PKD1L3: variants seen among roughly 807,000 people sequenced by gnomAD.
The protein encoded by PKD1L3 is polycystin-1-like protein 3.
In PKD1L3, 239 loss-of-function variants were observed where a neutral mutation model predicts 184.1. The observed-to-expected ratio is 1.30, with a 90% CI of 1.17 to 1.45. PKD1L3 has a LOEUF of 1.45. PKD1L3 is among the 40% of genes most tolerant of loss of function. The probability of loss-of-function intolerance (pLI) is 0.00; values close to 1 mark genes in which losing one functional copy is unlikely to be tolerated. For missense variants in PKD1L3, 2,660 were observed against 2,067.2 expected (o/e 1.29, Z -5.56); for synonymous variants, 996 against 778.8 (o/e 1.28, Z -4.64).
Position 71,929,576 on chromosome 16 carries a change from C to T in PKD1L3, c.5161G>A (p.Val1721Met), listed in dbSNP as rs2143035223. 6.4e-7 allele frequency: 1 copy of T among 1,551,718 alleles called. No homozygotes were observed. Among genetic ancestry groups the T allele is most frequent in the Non-Finnish European group, 8.7e-7 (1 of 1,146,996 alleles). Residue 1721 changes from valine (V) to methionine (M), a missense_variant, in exon 30 of 30, where the codon GTG becomes ATG. By Grantham distance (21) the Val-to-Met change is conservative. Coordinates refer to ENST00000620267, the MANE Select transcript of PKD1L3 (RefSeq NM_181536.2). ...TSSEQAATTA[V>M]GSDTEVLDEL... Reference sequence around the variant, plus strand: ...TCTAAAACTTCAGTGTCACTGCCCACTGCTGTCGTGGCTGCTTGCTCAGAT... The same window carrying T: ...TCTAAAACTTCAGTGTCACTGCCCATTGCTGTCGTGGCTGCTTGCTCAGAT...
chr16:71,969,086 A>G (rs2039610952), intron 13 of PKD1L3, among the ~76,000 whole-genome samples: 1 of 151,400 alleles, frequency 6.6e-6, no homozygotes, highest in Non-Finnish European at 1.5e-5. Flanking sequence ...ACATGCCACC[A>G]TGCCTGGCTA....
At chr16:71,996,388 G>A (rs1391905893) in intron 2 of PKD1L3, among the ~76,000 whole-genome samples, 1 of 150,912 alleles carries the variant, frequency 6.6e-6, no homozygotes, top group Admixed American at 6.6e-5. Flanking sequence ...AGCCTCCTGA[G>A]TACCTGGGAC....
intron 11 of PKD1L3, among the ~76,000 whole-genome samples, chr16:71,976,510 G>T (rs2039930764): frequency 6.6e-6 from 1 of 151,972 alleles, no homozygotes; most frequent in African/African-American, 2.4e-5. Flanking sequence ...ACCCGCCTCA[G>T]CCTCCCAAAG....
intron 15 of PKD1L3, among the ~76,000 whole-genome samples, chr16:71,966,205 T>C (rs1017093257): frequency 3.3e-5 from 5 of 152,150 alleles, no homozygotes; most frequent in Admixed American, 6.5e-5. Context: ...TTTTTCTCTT[T>C]TTTCCTAACT....
At chr16:71,948,922 A>G (rs573168832) in intron 21 of PKD1L3, among the ~76,000 whole-genome samples, 4 of 151,636 alleles carry the variant, frequency 2.6e-5, no homozygotes, top group South Asian at 4.2e-4. Flanking sequence ...CATCACCCCC[A>G]AAATTCCCTC....
rs1160743913 is a variant in PKD1L3 at position 71,990,335 on chromosome 16, G to C, written c.536-6C>G. On this transcript the variant is annotated splice_region_variant and splice_polypyrimidine_tract_variant and intron_variant, in intron 3 of 29. Transcript: ENST00000620267. ...GGTTGGAAGATGACCAGGTCCTATA[G>C]AAAAAAGAAAGCAGACTAAGTTCAA... 1 of 1,544,426 alleles carries C rather than the reference G, an allele frequency of 6.5e-7. No individual in the cohort carries two copies. Among genetic ancestry groups the C allele is most frequent in the African/African-American group, 1.4e-5 (1 of 72,802 alleles).
intron 22 of PKD1L3, among the ~76,000 whole-genome samples, chr16:71,945,176 A>AT (rs71153683): frequency 0.72 from 104,538 of 144,836 alleles, 38,428 homozygotes; most frequent in East Asian, 0.98. Flanking sequence ...CTATAGTGGT[A>AT]TTCTCAGATT....
chr16:71,984,603 T>C (rs1031823452), intron 5 of PKD1L3, among the ~76,000 whole-genome samples: 1 of 152,198 alleles, frequency 6.6e-6, no homozygotes, highest in African/African-American at 2.4e-5. Context: ...CTCACGCCTG[T>C]CATCCCAGCA....
intron 6 of PKD1L3, among the ~76,000 whole-genome samples, chr16:71,983,727 C>T (rs1288435568): frequency 3.4e-5 from 4 of 116,288 alleles, no homozygotes; most frequent in Admixed American, 1.2e-4. Context: ...AGTGGAGTGG[C>T]GGGATCTTGG....
intron 9 of PKD1L3, 124 bp from the exon 10 acceptor site, chr16:71,978,507 A>G (rs370830204): frequency 0.42 from 59,783 of 140,922 alleles, 15,683 homozygotes; most frequent in African/African-American, 0.6. Context: ...ATATATATAT[A>G]TATATATATA....
chr16:71,967,818 C>A, intron 14 of PKD1L3, 88 bp downstream of exon 14: 1 of 1,075,494 alleles, frequency 9.3e-7, no homozygotes, highest in Non-Finnish European at 1.4e-6. Context: ...TTTTAAAGTG[C>A]TATTGGTTGC....
chr16:71,954,419 CCT>C, intron 16 of PKD1L3, 118 bp from the exon 17 acceptor site: 1 of 633,024 alleles, frequency 1.6e-6, no homozygotes, highest in South Asian at 2.6e-5. Context: ...CTATTCAACA[CCT>C]CTGTGAATAA....
chr16:71,933,412 A>T lies in PKD1L3; in HGVS notation c.4926+8T>A. The T allele has an allele frequency of 6.5e-7, 1 of 1,528,244 alleles. No individual in the cohort carries two copies. The highest frequency in any genetic ancestry group is 8.9e-7 in the Non-Finnish European group (1 of 1,125,680). 94.7% of individuals were successfully genotyped at this position (1,528,244 alleles called of 1,614,324 possible). On this transcript the variant is annotated splice_region_variant and intron_variant, in intron 28 of 29. Transcript: ENST00000620267. ...GAATTCTGTGAGGAAACAAATTATT[A>T]TTTTTACCTCCTCTTGGTGAGAAAT...
rs763420166 is a variant in PKD1L3 at position 71,984,154 on chromosome 16, A to C, written c.848T>G (p.Ile283Arg). 1 of 1,551,466 alleles carries C rather than the reference A, an allele frequency of 6.4e-7. No individual in the cohort carries two copies. The highest frequency in any genetic ancestry group is 8.7e-7 in the Non-Finnish European group (1 of 1,146,750). The change falls in exon 6 of 30, where the codon ATA (isoleucine) becomes AGA (arginine). Residue 283 changes from isoleucine to arginine, a missense_variant. Ile to Arg is a moderately conservative substitution (Grantham distance 97, BLOSUM62 -3). Coordinates refer to ENST00000620267, the MANE Select transcript of PKD1L3 (RefSeq NM_181536.2). Reference sequence around the variant, plus strand: ...AACTGCTCTGCTGAAGTTCCCTGCTATCTCATCTATGACCTATTGGGAACA... The same window carrying C: ...AACTGCTCTGCTGAAGTTCCCTGCTCTCTCATCTATGACCTATTGGGAACA... ...QKASGQVIDE[I>R]AGNFSRAVHG...
chr16:71,969,871 T>G lies in PKD1L3; in HGVS notation c.2184+4A>C. 11 of 1,542,020 alleles carry G rather than the reference T, an allele frequency of 7.1e-6. No individual in the cohort carries two copies. The highest frequency in any genetic ancestry group is 9.7e-6 in the Non-Finnish European group (11 of 1,139,204). On this transcript the variant is annotated splice_donor_region_variant and intron_variant, in intron 13 of 29. Coordinates refer to ENST00000620267, the MANE Select transcript of PKD1L3 (RefSeq NM_181536.2). ...CAAATCTGTTGAAATCAAAGTCTCA[T>G]TACCTTCTGCATATCTGCTTGATCC...
intron 26 of PKD1L3, 150 bp downstream of exon 26, chr16:71,935,208 C>G (rs918940072): frequency 3.6e-5 from 29 of 801,472 alleles, no homozygotes; most frequent in Non-Finnish European, 4.9e-5. Context: ...TCACTGTCTT[C>G]TCTGCTGTGG....
chr16:71,967,285 G>A lies in PKD1L3; in HGVS notation c.2317C>T (p.Arg773Trp), dbSNP rs1398754934. 7.1e-6 allele frequency: 11 copies of A among 1,551,510 alleles called. No homozygotes were observed. Among genetic ancestry groups the A allele is most frequent in the East Asian group, 4.9e-5 (2 of 40,920 alleles). ...TCACAGAGGTGATGGGGCTCACTCC[G>A]TCCCTCTGATCCATAGAGGGTGATG... ...VVITLYGSEG[R>W]SEPHHLCDPQ... The change falls in exon 15 of 30, where the codon CGG becomes TGG. Residue 773 changes from arginine to tryptophan, a missense_variant. Transcript: ENST00000620267.
chr16:71,987,590 G>A (rs929674593), intron 4 of PKD1L3, among the ~76,000 whole-genome samples: 1 of 151,520 alleles, frequency 6.6e-6, no homozygotes, highest in Non-Finnish European at 1.5e-5. Flanking sequence ...TGCCCAGGCT[G>A]GTCTCAAACT....
chr16:71,943,607 A>G (rs2038447028), intron 23 of PKD1L3, among the ~76,000 whole-genome samples: 1 of 151,962 alleles, frequency 6.6e-6, no homozygotes, highest in Admixed American at 6.6e-5. Flanking sequence ...AGGACTAAGC[A>G]TGCACTCTGT....
Sources: allele counts gnomAD v4.1 joint callset (sites outside exome capture counted in the v4.1 genomes callset), GRCh38; gene constraint gnomAD v4.1.1; transcripts MANE v1.5; gene names NCBI Gene and HGNC (gene_info 2026-07-23, HGNC 2026-07-21).